ERP44: variants seen among roughly 807,000 people sequenced by gnomAD.
ERP44 encodes endoplasmic reticulum protein 44.
In ERP44, 25 loss-of-function variants were observed where a neutral mutation model predicts 53.4. That is an observed-to-expected ratio of 0.47 (90% confidence interval 0.34 to 0.65). The LOEUF (loss-of-function observed/expected upper bound fraction) is 0.65. Ranked by LOEUF, ERP44 falls within the 30% of genes least tolerant of loss-of-function variation. The pLI, the probability that ERP44 is intolerant of heterozygous loss-of-function variation, is 0.01. For missense variants in ERP44, 338 were observed against 493.2 expected (o/e 0.69, Z 2.98); for synonymous variants, 145 against 161.2 (o/e 0.90, Z 0.76).
At chr9:100,015,724 A>C (rs540652643) in intron 8 of ERP44, among the ~76,000 whole-genome samples, 1 of 152,242 alleles carries the variant, frequency 6.6e-6, no homozygotes, top group Non-Finnish European at 1.5e-5. Context: ...GACTGGTTTC[A>C]TGGAAGACAA....
intron 4 of ERP44, among the ~76,000 whole-genome samples, chr9:100,046,578 T>C (rs775211267): frequency 6.6e-6 from 1 of 152,184 alleles, no homozygotes; most frequent in African/African-American, 2.4e-5. Flanking sequence ...CCAAGACATG[T>C]AGGCTGAAAA....
intron 1 of ERP44, among the ~76,000 whole-genome samples, chr9:100,079,413 T>TACACAC (rs58110423): frequency 0.023 from 3,106 of 137,304 alleles, 49 homozygotes; most frequent in East Asian, 0.075. Flanking sequence ...AACTCCCCTT[T>TACACAC]ACACACACAC....
chr9:99,983,017 G>C (rs1249309806), intron 11 of ERP44, among the ~76,000 whole-genome samples: 1 of 152,160 alleles, frequency 6.6e-6, no homozygotes, highest in Non-Finnish European at 1.5e-5. Context: ...TCCTAGACTA[G>C]TCGACAGAGA....
chr9:100,001,735 C>T (rs569269734), intron 10 of ERP44, among the ~76,000 whole-genome samples: 8 of 152,270 alleles, frequency 5.3e-5, no homozygotes, highest in South Asian at 4.1e-4. Flanking sequence ...CTCTTGTAGG[C>T]AGTTTATAGT....
chr9:100,068,035 G>C (rs1826243604), intron 1 of ERP44, among the ~76,000 whole-genome samples: 2 of 150,032 alleles, frequency 1.3e-5, no homozygotes, highest in Non-Finnish European at 3.0e-5. Flanking sequence ...AGGTGGGGGG[G>C]TCAGTCCCCC....
intron 10 of ERP44, among the ~76,000 whole-genome samples, chr9:100,003,566 A>T (rs1229221307): frequency 4.6e-5 from 7 of 151,804 alleles, no homozygotes; most frequent in Non-Finnish European, 1.0e-4. Flanking sequence ...CTGGGTCAGC[A>T]GGTGGGTGAG....
chr9:100,046,218 GAAT>G (rs1351224342), intron 4 of ERP44, among the ~76,000 whole-genome samples: 2 of 151,938 alleles, frequency 1.3e-5, no homozygotes, highest in East Asian at 3.9e-4. Context: ...AATTCTTAAA[GAAT>G]ATTACTCAAA....
intron 6 of ERP44, among the ~76,000 whole-genome samples, chr9:100,019,132 TTAAA>T (rs1830556925): frequency 6.6e-6 from 1 of 152,158 alleles, no homozygotes; most frequent in Admixed American, 6.5e-5. Flanking sequence ...GAATGACAAA[TTAAA>T]TAATGGTAGT....
At position 100,024,894 on chromosome 9, in the gene ERP44, T is replaced by C. The variant is rs1250541615; in HGVS notation, c.287-2668A>G. On this transcript the variant is annotated intron_variant, in intron 4 of 11. Transcript: ENST00000262455. ...TATCAGTAAGTTAATTCCAATAAGT[T>C]TGATGATTCACATAATTCCCATGAA... Among the ~76,000 whole-genome samples the C allele has an allele frequency of 2.6e-5, 4 of 152,284 alleles. No homozygotes were observed. In the South Asian group the frequency reaches 6.2e-4, roughly 24 times the overall value.
intron 8 of ERP44, among the ~76,000 whole-genome samples, chr9:100,008,519 A>C (rs779967542): frequency 2.0e-4 from 31 of 152,282 alleles, no homozygotes; most frequent in Admixed American, 1.3e-4. Context: ...TCTCATAACA[A>C]AATTATTTTC....
At chr9:100,011,505 T>C (rs1830476365) in intron 8 of ERP44, among the ~76,000 whole-genome samples, 1 of 152,172 alleles carries the variant, frequency 6.6e-6, no homozygotes, top group Non-Finnish European at 1.5e-5. Flanking sequence ...ATGTCTTACT[T>C]TGCCTTACAA....
intron 4 of ERP44, among the ~76,000 whole-genome samples, chr9:100,050,532 A>G (rs1014634547): frequency 1.2e-4 from 18 of 152,242 alleles, no homozygotes; most frequent in African/African-American, 4.3e-4. Context: ...TCTACAATCT[A>G]ATTGGCACAT....
In ERP44 at chr9:100,020,629, GA is replaced by G; in HGVS notation, c.573del (p.Leu192PhefsTer18). The stretch of plus-strand genomic sequence containing the variant: ...TAAGATACTTACCCAAATGCAGAAA[GA>G]AAGGCACAGTCATCATGCAAAATAT... Reference protein sequence around the residue: ...VANILHDDCAFLSAFGDVSKP... With the variant: ...VANILHDDCAXLSAFGDVSKP... On this transcript the variant is annotated frameshift_variant, in exon 6 of 12. Transcript: ENST00000262455. LOFTEE classifies it high-confidence loss of function. 1 of 1,591,318 alleles carries G rather than the reference GA, an allele frequency of 6.3e-7. No homozygotes were observed. The highest frequency in any genetic ancestry group is 8.6e-7 in the Non-Finnish European group (1 of 1,160,110).
At position 99,985,017 on chromosome 9, in the gene ERP44, G is replaced by A; in HGVS notation, c.1069C>T (p.His357Tyr). Residue 357 changes from histidine to tyrosine, a missense_variant, in exon 11 of 12, where the codon CAC becomes TAC. By Grantham distance (83) the His-to-Tyr change is moderately conservative. This residue lies in a region of ERP44 where 113 missense variants were observed against 172.6 expected (regional missense o/e 0.65). Transcript: ENST00000262455. The stretch of plus-strand genomic sequence containing the variant: ...TCAGGTCCATGATGGAATTCTCTGT[G>A]CAGTTTTCCAGAATGTAAGTCAAAT... ...FVFDLHSGKLHREFHHGPDPT... is the reference protein window; with the variant it reads ...FVFDLHSGKLYREFHHGPDPT... The A allele has an allele frequency of 6.2e-7, 1 of 1,613,688 alleles. No individual in the cohort carries two copies. The highest frequency in any genetic ancestry group is 8.5e-7 in the Non-Finnish European group (1 of 1,179,660).
At chr9:100,092,051 T>A (rs1826564121) in intron 1 of ERP44, among the ~76,000 whole-genome samples, 3 of 152,208 alleles carry the variant, frequency 2.0e-5, no homozygotes, top group Admixed American at 2.0e-4. Context: ...TCCTCCATAG[T>A]AGATTGCAAA....
chr9:100,068,437 T>G, intron 1 of ERP44, among the ~76,000 whole-genome samples: 4 of 108,180 alleles, frequency 3.7e-5, no homozygotes, highest in Admixed American at 1.0e-4. Context: ...GTCCGGGAGG[T>G]GAGAGGTGCC....
rs368406515 is a variant in ERP44, at chr9:99,990,658, C to A, written c.1017-5589G>T. On this transcript the variant is annotated intron_variant, in intron 10 of 11. Transcript: ENST00000262455. ...CATAATGACAGGATCAAATTCACAC[C>A]TAACAATATTAACCTTAAACGTAAA... Among the ~76,000 whole-genome samples, 12 of 151,892 alleles carry A rather than the reference C, an allele frequency of 7.9e-5. No individual in the cohort carries two copies. The South Asian group carries it at 1.2e-3, about 16-fold the overall frequency.
chr9:100,043,680 T>C (rs1039688588), intron 4 of ERP44, among the ~76,000 whole-genome samples: 1 of 151,466 alleles, frequency 6.6e-6, no homozygotes, highest in African/African-American at 2.4e-5. Context: ...GCTTGACCAC[T>C]GGAGGCAGAA....
Position 99,985,000 on chromosome 9 carries a change from A to G in ERP44, c.1086T>C (p.His362=). Residue 362 remains histidine, a synonymous_variant, in exon 11 of 12, where the codon CAT becomes CAC. Transcript: ENST00000262455. ...HSGKLHREFH[H]GPDPTDTAPG... Reference sequence around the variant, plus strand: ...GGGCTGTATCAGTTGGGTCAGGTCCATGATGGAATTCTCTGTGCAGTTTTC... The same window carrying G: ...GGGCTGTATCAGTTGGGTCAGGTCCGTGATGGAATTCTCTGTGCAGTTTTC... 1.2e-6 allele frequency: 2 copies of G among 1,613,486 alleles called. No individual in the cohort carries two copies. Among genetic ancestry groups the G allele is most frequent in the Non-Finnish European group, 1.7e-6 (2 of 1,179,422 alleles).
Sources: allele counts gnomAD v4.1 joint callset (sites outside exome capture counted in the v4.1 genomes callset), GRCh38; gene constraint gnomAD v4.1.1; regional missense constraint gnomAD v4.1.1; transcripts MANE v1.5; gene names NCBI Gene and HGNC (gene_info 2026-07-23, HGNC 2026-07-21).